SGCZ: variants seen among roughly 807,000 people sequenced by gnomAD.
SGCZ encodes the protein sarcoglycan zeta, also known as zeta-sarcoglycan.
SGCZ carries 40 observed loss-of-function variants against 41.3 expected under a neutral mutation model. The observed-to-expected ratio is 0.97, with a 90% CI of 0.75 to 1.26. The LOEUF is 1.26. SGCZ is among the 50% of genes most tolerant of loss of function. SGCZ has a pLI of 0.00. For synonymous variants in SGCZ, 206 were observed against 137.5 expected, an observed-to-expected ratio of 1.50 and a Z score of -3.49; for missense variants, 552 against 369.8, an observed-to-expected ratio of 1.49 and a Z score of -4.04.
chr8:15,167,502 C>T (rs895541574), intron 1 of SGCZ, among the ~76,000 whole-genome samples: 2 of 152,206 alleles, frequency 1.3e-5, no homozygotes, highest in Non-Finnish European at 2.9e-5. Flanking sequence ...CATGGTTGTG[C>T]TCAGCTTTAA....
intron 2 of SGCZ, among the ~76,000 whole-genome samples, chr8:14,405,356 T>A (rs981524806): frequency 6.9e-6 from 1 of 144,522 alleles, no homozygotes; most frequent in Non-Finnish European, 1.6e-5. Context: ...CCCACTATTA[T>A]TTTTTCTCAC....
chr8:14,438,004 T>A (rs879697057), intron 2 of SGCZ, among the ~76,000 whole-genome samples: 10 of 152,064 alleles, frequency 6.6e-5, no homozygotes, highest in Non-Finnish European at 1.2e-4. Flanking sequence ...TTTATGAGCA[T>A]TGTAATTTAG....
At position 14,455,882 on chromosome 8, in the gene SGCZ, T is replaced by C. The variant is rs575614441; in HGVS notation, c.234+98850A>G. ...TGTTTGCAGTATGCTACCTCTCATG[T>C]GAAAAAGGAGTTTACATGTTTATGG... On this transcript the variant is annotated intron_variant, in intron 2 of 7. Transcript: ENST00000382080. 8.5e-5 allele frequency among the ~76,000 whole-genome samples: 13 copies of C among 152,246 alleles called. No individual in the cohort carries two copies. The East Asian group carries it at 2.1e-3, about 25-fold the overall frequency.
intron 2 of SGCZ, among the ~76,000 whole-genome samples, chr8:14,340,355 G>C (rs141969866): frequency 0.011 from 1,687 of 152,208 alleles, 28 homozygotes; most frequent in African/African-American, 0.037. Flanking sequence ...TACAGCAACA[G>C]TTTTATTGTT....
At chr8:15,037,347 T>A (rs532774455) in intron 1 of SGCZ, among the ~76,000 whole-genome samples, 11 of 152,318 alleles carry the variant, frequency 7.2e-5, no homozygotes, top group African/African-American at 2.6e-4. Context: ...TGACGAAGGA[T>A]ACATTTGCTT....
chr8:14,732,919 C>G (rs1419264403), intron 1 of SGCZ, among the ~76,000 whole-genome samples: 2 of 97,552 alleles, frequency 2.1e-5, no homozygotes, highest in African/African-American at 7.1e-5. Flanking sequence ...AACACATTTT[C>G]AAAGTATTAC....
At chr8:14,992,869 A>G (rs6651384) in intron 1 of SGCZ, among the ~76,000 whole-genome samples, 111,871 of 142,088 alleles carry the variant, frequency 0.79, 43,704 homozygotes, top group South Asian at 0.82. Context: ...TGTTCCCCTC[A>G]ATATTTACCT....
chr8:14,813,638 T>C (rs992774364), intron 1 of SGCZ, among the ~76,000 whole-genome samples: 5 of 152,162 alleles, frequency 3.3e-5, no homozygotes, highest in Admixed American at 6.6e-5. Context: ...CACCATTATG[T>C]CACCTATAAA....
chr8:14,371,329 C>G (rs1803901353), intron 2 of SGCZ, among the ~76,000 whole-genome samples: 1 of 151,854 alleles, frequency 6.6e-6, no homozygotes, highest in African/African-American at 2.4e-5. Context: ...TGTATGCAAG[C>G]CAGTTCAGTT....
chr8:14,631,531 C>G (rs116416179), intron 1 of SGCZ, among the ~76,000 whole-genome samples: 1 of 152,088 alleles, frequency 6.6e-6, no homozygotes, highest in South Asian at 2.1e-4. Context: ...TTTACTACAC[C>G]CATGAATTTG....
chr8:14,389,835 T>C (rs1804702616), intron 2 of SGCZ, among the ~76,000 whole-genome samples: 1 of 152,042 alleles, frequency 6.6e-6, no homozygotes, highest in South Asian at 2.1e-4. Flanking sequence ...TTGTCTAGTG[T>C]CTTAGTTTTC....
intron 1 of SGCZ, among the ~76,000 whole-genome samples, chr8:15,098,035 T>C (rs1320313176): frequency 6.6e-6 from 1 of 151,550 alleles, no homozygotes; most frequent in Admixed American, 6.6e-5. Context: ...GGAATTAAAC[T>C]GGTGTTGTAA....
intron 1 of SGCZ, among the ~76,000 whole-genome samples, chr8:14,910,959 C>T (rs1441504047): frequency 6.6e-6 from 1 of 151,976 alleles, no homozygotes; most frequent in African/African-American, 2.4e-5. Context: ...TTCCCCAGAA[C>T]AATTATCACA....
chr8:14,786,684 G>T (rs942596765), intron 1 of SGCZ, among the ~76,000 whole-genome samples: 1 of 151,952 alleles, frequency 6.6e-6, no homozygotes. Flanking sequence ...AAAGTCTATG[G>T]AGTTTAATTG....
Position 14,084,885 on chromosome 8 carries a change from A to G in SGCZ, c.*5558T>C, listed in dbSNP as rs1585119124. On this transcript the variant is annotated 3_prime_UTR_variant, in exon 8 of 8. Transcript: ENST00000382080. ...TTTGTTTTGACTATCACATTTAATC[A>G]TGGTTACATAGTAGCACCAAAATTA... is the stretch of plus-strand genomic sequence containing the variant. 6.6e-6 allele frequency among the ~76,000 whole-genome samples: 1 copy of G among 151,824 alleles called. No homozygotes were observed. Among genetic ancestry groups the G allele is most frequent in the South Asian group, 2.1e-4 (1 of 4,830 alleles).
chr8:14,682,207 G>A (rs940153735), intron 1 of SGCZ, among the ~76,000 whole-genome samples: 1 of 152,006 alleles, frequency 6.6e-6, no homozygotes, highest in Non-Finnish European at 1.5e-5. Context: ...AATACAATGG[G>A]AAATACAGGA....
At chr8:14,802,192 G>C (rs1801341033) in intron 1 of SGCZ, among the ~76,000 whole-genome samples, 1 of 152,142 alleles carries the variant, frequency 6.6e-6, no homozygotes, top group South Asian at 2.1e-4. Context: ...CTTGGAGTCA[G>C]CTACCTACAC....
chr8:15,154,217 C>G (rs1317585313), intron 1 of SGCZ, among the ~76,000 whole-genome samples: 1 of 152,178 alleles, frequency 6.6e-6, no homozygotes, highest in Non-Finnish European at 1.5e-5. Flanking sequence ...CTAACACAGT[C>G]AGCTTTCACT....
At chr8:14,457,675 A>G (rs1800787891) in intron 2 of SGCZ, among the ~76,000 whole-genome samples, 3 of 152,202 alleles carry the variant, frequency 2.0e-5, no homozygotes, top group Non-Finnish European at 4.4e-5. Flanking sequence ...ATATGCAGAA[A>G]TAATGGGGTA....
Sources: gnomAD v4.1 joint callset for allele counts (sites outside exome capture counted in the v4.1 genomes callset) on GRCh38, gnomAD v4.1.1 for gene constraint, MANE v1.5 for transcripts, NCBI Gene and HGNC (gene_info 2026-07-23, HGNC 2026-07-21) for gene names.